The following PCSK9 variants were observed in gnomAD, a reference collection of about 807,000 sequenced individuals.
PCSK9 encodes the protein convertase subtilisin/kexin type 9 preproprotein.
A neutral mutation model predicts 62.1 loss-of-function variants in PCSK9; 57 were observed. The ratio of observed to expected loss-of-function variants is 0.92; its 90% CI spans 0.74 to 1.14. PCSK9 has a LOEUF of 1.14. Among genes scored for constraint, PCSK9 ranks in the 50% most tolerant of loss-of-function variants. The probability of loss-of-function intolerance (pLI) is 0.00; values close to 1 mark genes in which losing one functional copy is unlikely to be tolerated. For missense variants in PCSK9, 870 were observed against 959.8 expected, an observed-to-expected ratio of 0.91 and a Z score of 1.24; for synonymous variants, 387 against 409.4, an observed-to-expected ratio of 0.95 and a Z score of 0.66.
intron 10 of PCSK9, among the ~76,000 whole-genome samples, chr1:55,061,048 G>A (rs1644755254): frequency 6.6e-6 from 1 of 152,182 alleles, no homozygotes; most frequent in Admixed American, 6.5e-5. Context: ...GGCTGCATAG[G>A]GAGGGGCTGG....
rs931260736 is a variant in PCSK9 at position 55,064,411 on chromosome 1, G to A, written c.*827G>A. The A allele has an allele frequency of 6.6e-6, 1 of 152,260 alleles. No individual in the cohort carries two copies. Among genetic ancestry groups the A allele is most frequent in the African/African-American group, 2.4e-5 (1 of 41,460 alleles). The allele number at this position is 152,260 out of a possible 1,614,324, so 9.4% of individuals were successfully genotyped here. On this transcript the variant is annotated 3_prime_UTR_variant, in exon 12 of 12. Coordinates refer to ENST00000302118, the MANE Select transcript of PCSK9 (RefSeq NM_174936.4). ...CGTGCCTGCCAAGCTCACACAGCAG[G>A]AACTGAGCCAGAAACGCAGATTGGG...
rs1553137256 is a variant in PCSK9, at chr1:55,055,322, C to CA, written c.800-671_800-670insA. On this transcript the variant is annotated intron_variant, in intron 5 of 11. Transcript: ENST00000302118. The stretch of plus-strand genomic sequence containing the variant: ...ATCTGAGCCAGGCCTCAGAGAGTGG[C>CA]GGGGGAAGTTGGGTGGGGAAGTGTG... Among the ~76,000 whole-genome samples, 10 of 150,952 alleles carry CA rather than the reference C, an allele frequency of 6.6e-5. No homozygotes were observed. The East Asian group carries it at 1.2e-3, about 18-fold the overall frequency.
At chr1:55,048,314 G>A (rs911513341) in intron 3 of PCSK9, among the ~76,000 whole-genome samples, 8 of 152,198 alleles carry the variant, frequency 5.3e-5, no homozygotes, top group African/African-American at 1.9e-4. Flanking sequence ...ATGATCTCAT[G>A]TGGGGAACCT....
At position 55,058,520 on chromosome 1, in the gene PCSK9, C is replaced by G. The variant is rs1644733348; in HGVS notation, c.1376C>G (p.Thr459Ser). ...HGAGWQLFCR[T>S]VWSAHSGPTR... ...GCAGGTTGGCAGCTGTTTTGCAGGA[C>G]TGTATGGTCAGCACACTCGGGGCCT... Residue 459 changes from threonine to serine, a missense_variant, in exon 9 of 12, where the codon ACT becomes AGT. Transcript: ENST00000302118. The G allele has an allele frequency of 5.6e-6, 9 of 1,612,186 alleles. No homozygotes were observed. Among genetic ancestry groups the G allele is most frequent in the Non-Finnish European group, 7.6e-6 (9 of 1,180,030 alleles).
At position 55,046,616 on chromosome 1, in the gene PCSK9, C is replaced by T. The variant is rs141593516; in HGVS notation, c.493C>T (p.Arg165Trp). 3.0e-5 allele frequency: 48 copies of T among 1,613,948 alleles called. No homozygotes were observed. The highest frequency in any genetic ancestry group is 1.6e-4 in the African/African-American group (12 of 74,902). Reference sequence around the variant, plus strand: ...GAACCTGGAGCGGATTACCCCTCCACGGTACCGGGCGGATGAATACCAGCC... The same window carrying T: ...GAACCTGGAGCGGATTACCCCTCCATGGTACCGGGCGGATGAATACCAGCC... ...PWNLERITPPRYRADEYQPPD... is the reference protein window; with the variant it reads ...PWNLERITPPWYRADEYQPPD... The change falls in exon 3 of 12, where the codon CGG (arginine) becomes TGG (tryptophan). Residue 165 changes from arginine (R) to tryptophan (W), a missense_variant. By Grantham distance (101) the Arg-to-Trp change is moderately radical. Transcript: ENST00000302118.
chr1:55,059,765 A>G, intron 10 of PCSK9, 102 bp downstream of exon 10: 1 of 1,415,950 alleles, frequency 7.1e-7, no homozygotes, highest in Non-Finnish European at 9.6e-7. Flanking sequence ...CATGAGACTC[A>G]AGCCTGACTT....
At chr1:55,063,168 G>C (rs548007497) in intron 11 of PCSK9, among the ~76,000 whole-genome samples, 2 of 152,102 alleles carry the variant, frequency 1.3e-5, no homozygotes, top group Non-Finnish European at 2.9e-5. Context: ...GAGCTCACGT[G>C]TTTGGTCAGC....
At chr1:55,057,583 C>T (rs1016887569) in intron 7 of PCSK9, 69 bp downstream of exon 7, 201 of 1,524,082 alleles carry the variant, frequency 1.3e-4, no homozygotes, top group Non-Finnish European at 1.7e-4. Flanking sequence ...GGGTCTGTGC[C>T]GGGACCTCCA....
intron 11 of PCSK9, among the ~76,000 whole-genome samples, chr1:55,062,194 C>A (rs1289845356): frequency 6.6e-6 from 1 of 152,360 alleles, no homozygotes; most frequent in African/African-American, 2.4e-5. Context: ...ACAGCCGGGC[C>A]TTCTAGAAAC....
In PCSK9 at chr1:55,040,072, G is replaced by C; in HGVS notation, c.207+28G>C. 1 of 1,547,966 alleles carries C rather than the reference G, an allele frequency of 6.5e-7. No individual in the cohort carries two copies. The highest frequency in any genetic ancestry group is 1.2e-5 in the South Asian group (1 of 83,920). ...GCGGGTGTAGGGATGGGAGGCCGGG[G>C]CGAACCCGCAGCCGGGACGGTGCGG... On this transcript the variant is annotated intron_variant, in intron 1 of 11. Transcript: ENST00000302118. This position sits in a 1 kb window ranked among gnomAD's most constrained non-coding sequence, Gnocchi z 4.1.
intron 10 of PCSK9, among the ~76,000 whole-genome samples, chr1:55,060,333 C>T (rs1007129917): frequency 1.3e-5 from 2 of 152,124 alleles, no homozygotes; most frequent in Admixed American, 1.3e-4. Flanking sequence ...TTGGGTGGAG[C>T]ATGAGAGGTC....
At position 55,064,567 on chromosome 1, in the gene PCSK9, C is replaced by T. The variant is rs1644787252; in HGVS notation, c.*983C>T. The T allele has an allele frequency of 6.6e-6, 1 of 152,204 alleles. No homozygotes were observed. Among genetic ancestry groups the T allele is most frequent in the Non-Finnish European group, 1.5e-5 (1 of 68,058 alleles). The allele number at this position is 152,204 out of a possible 1,614,324, so 9.4% of individuals were successfully genotyped here. On this transcript the variant is annotated 3_prime_UTR_variant, in exon 12 of 12. Transcript: ENST00000302118. ...GTGATGGCAGAACGATGCCTGCAGG[C>T]ATGGAACTTTTTCCGTTATCACCCA...
rs189293781 is a variant in PCSK9 at position 55,063,612 on chromosome 1, G to A, written c.*28G>A. On this transcript the variant is annotated 3_prime_UTR_variant, in exon 12 of 12. Transcript: ENST00000302118. Reference sequence around the variant, plus strand: ...GCCCCATCCCAGGATGGGTGTCTGGGGAGGGTCAAGGGCTGGGGCTGAGCT... The same window carrying A: ...GCCCCATCCCAGGATGGGTGTCTGGAGAGGGTCAAGGGCTGGGGCTGAGCT... The A allele has an allele frequency of 7.0e-4, 1,116 of 1,604,058 alleles. 3 individuals carry two copies. The highest frequency in any genetic ancestry group is 8.3e-4 in the South Asian group (75 of 89,974).
intron 2 of PCSK9, among the ~76,000 whole-genome samples, chr1:55,045,431 A>C (rs1371771575): frequency 1.3e-5 from 2 of 152,228 alleles, no homozygotes; most frequent in Non-Finnish European, 2.9e-5. Flanking sequence ...GAGGTCGTGA[A>C]GCATTCAGCA....
At chr1:55,058,361 A>G (rs1644732151) in intron 8 of PCSK9, 138 bp from the exon 9 acceptor site, 2 of 1,520,756 alleles carry the variant, frequency 1.3e-6, no homozygotes, top group African/African-American at 2.8e-5. Context: ...AGGGCTGTGC[A>G]ATATTTTCAT....
At chr1:55,052,226 A>C in intron 3 of PCSK9, 52 bp from the exon 4 acceptor site, 1 of 1,612,392 alleles carries the variant, frequency 6.2e-7, no homozygotes, top group Admixed American at 1.7e-5. Context: ...GTTAACTATA[A>C]GGTTGACTTT....
Position 55,058,211 on chromosome 1 carries a change from T to G in PCSK9, c.1354+2T>G, listed in dbSNP as rs1401301076. Reference sequence around the variant, plus strand: ...TGCCCCCCAGCACCCATGGGGCAGGTAAGCAGGATGGCAGGGTGGGCAAGT... The same window carrying G: ...TGCCCCCCAGCACCCATGGGGCAGGGAAGCAGGATGGCAGGGTGGGCAAGT... On this transcript the variant is annotated splice_donor_variant, in intron 8 of 11. Coordinates refer to ENST00000302118, the MANE Select transcript of PCSK9 (RefSeq NM_174936.4). LOFTEE classifies it high-confidence loss of function. 1 of 1,611,346 alleles carries G rather than the reference T, an allele frequency of 6.2e-7. No homozygotes were observed. The highest frequency in any genetic ancestry group is 1.7e-5 in the Admixed American group (1 of 59,986).
In PCSK9 at chr1:55,040,059, A is replaced by AGGGG. The variant is rs1557497714; in HGVS notation, c.207+15_207+16insGGGG. On this transcript the variant is annotated intron_variant, in intron 1 of 11. Transcript: ENST00000302118. This position sits in a 1 kb window ranked among gnomAD's most constrained non-coding sequence, Gnocchi z 4.1. ...GCTGCGCCAAGGTGCGGGTGTAGGG[A>AGGGG]TGGGAGGCCGGGGCGAACCCGCAGC... 1 of 1,553,018 alleles carries AGGGG rather than the reference A, an allele frequency of 6.4e-7. No homozygotes were observed. The highest frequency in any genetic ancestry group is 1.4e-5 in the African/African-American group (1 of 73,240).
chr1:55,057,447 C>T lies in PCSK9; in HGVS notation c.1113C>T (p.Ala371=). ...LFAPGEDIIG[A]SSDCSTCFVS... Reference sequence around the variant, plus strand: ...CCCCAGGGGAGGACATCATTGGTGCCTCCAGCGACTGCAGCACCTGCTTTG... The same window carrying T: ...CCCCAGGGGAGGACATCATTGGTGCTTCCAGCGACTGCAGCACCTGCTTTG... The change falls in exon 7 of 12, where the codon GCC becomes GCT. Residue 371 remains alanine, a synonymous_variant. Transcript: ENST00000302118. The T allele has an allele frequency of 6.2e-7, 1 of 1,614,110 alleles. No individual in the cohort carries two copies. The highest frequency in any genetic ancestry group is 8.5e-7 in the Non-Finnish European group (1 of 1,180,034).
Sources: allele counts gnomAD v4.1 joint callset (sites outside exome capture counted in the v4.1 genomes callset), GRCh38; gene constraint gnomAD v4.1.1; non-coding constraint Gnocchi (gnomAD v3.1); transcripts MANE v1.5; gene names NCBI Gene and HGNC (gene_info 2026-07-23, HGNC 2026-07-21).